Variants in DMD observed in about 807,000 individuals in gnomAD.
The protein encoded by DMD is dystrophin, also known as mutant dystrophin.
A neutral mutation model predicts 330.1 loss-of-function variants in DMD; 63 were observed. The observed-to-expected ratio is 0.19, with a 90% CI of 0.16 to 0.24. The LOEUF (loss-of-function observed/expected upper bound fraction) is 0.24, where lower values mean the gene tolerates loss of function less well. DMD is among the 10% of genes least tolerant of loss of function. The probability of loss-of-function intolerance (pLI) is 1.00; values close to 1 mark genes in which losing one functional copy is unlikely to be tolerated. For synonymous variants in DMD, 1,223 were observed against 959.8 expected, an observed-to-expected ratio of 1.27 and a Z score of -5.07; for missense variants, 3,344 against 2,684.1, an observed-to-expected ratio of 1.25 and a Z score of -5.43.
intron 44 of DMD, among the ~76,000 whole-genome samples, chrX:31,988,195 G>A (rs901130353): frequency 3.6e-5 from 4 of 110,364 alleles, no homozygotes; most frequent in East Asian, 2.9e-4. Flanking sequence ...TATTTAAGCC[G>A]GGCATGGTGG....
At chrX:31,308,324 C>A (rs979333104) in intron 62 of DMD, among the ~76,000 whole-genome samples, 3 of 112,103 alleles carry the variant, frequency 2.7e-5, no homozygotes, top group Non-Finnish European at 5.6e-5. Flanking sequence ...AATATATTCA[C>A]TTAAAGATGC....
chrX:32,676,596 C>T (rs966662975), intron 9 of DMD, among the ~76,000 whole-genome samples: 9 of 110,832 alleles, frequency 8.1e-5, no homozygotes, highest in African/African-American at 2.3e-4. Context: ...GGATTGTGGA[C>T]GCTATTATGC....
intron 20 of DMD, among the ~76,000 whole-genome samples, chrX:32,490,941 A>C (rs2042933622): frequency 8.9e-6 from 1 of 111,853 alleles, no homozygotes; most frequent in Non-Finnish European, 1.9e-5. Context: ...CAAAATGACT[A>C]TGTTTCACTC....
intron 44 of DMD, among the ~76,000 whole-genome samples, chrX:32,056,189 G>C (rs138355214): frequency 0.012 from 1,280 of 109,811 alleles, 16 homozygotes; most frequent in African/African-American, 0.04. Context: ...GCTAAAGAAA[G>C]TCATGTCCTT....
At chrX:32,632,273 G>C (rs888961707) in intron 11 of DMD, among the ~76,000 whole-genome samples, 1 of 111,856 alleles carries the variant, frequency 8.9e-6, no homozygotes, top group South Asian at 3.7e-4. Flanking sequence ...GTGCTCCCAA[G>C]GCCTTGGGCA....
chrX:32,538,538 C>T (rs778825406), intron 17 of DMD, among the ~76,000 whole-genome samples: 1 of 111,417 alleles, frequency 9.0e-6, no homozygotes, highest in African/African-American at 3.3e-5. Context: ...AATAGACAGC[C>T]TTGTTGCTCA....
At chrX:31,315,280 C>T (rs2055910658) in intron 62 of DMD, among the ~76,000 whole-genome samples, 3 of 112,325 alleles carry the variant, frequency 2.7e-5, no homozygotes, top group African/African-American at 6.5e-5. Flanking sequence ...AACCTGAACA[C>T]TCAGTATCTA....
chrX:31,403,209 T>C (rs2061266919), intron 60 of DMD, among the ~76,000 whole-genome samples: 1 of 112,243 alleles, frequency 8.9e-6, no homozygotes, highest in South Asian at 3.7e-4. Flanking sequence ...GCCTCTCTTG[T>C]AATGTGTCAG....
At chrX:32,887,279 G>A (rs1005857996) in intron 2 of DMD, among the ~76,000 whole-genome samples, 12 of 110,035 alleles carry the variant, frequency 1.1e-4, no homozygotes, top group African/African-American at 1.7e-4. Context: ...CCCGGGAGGC[G>A]GAGCTTGCAG....
chrX:31,622,868 A>G (rs2078621610), intron 55 of DMD, among the ~76,000 whole-genome samples: 1 of 92,461 alleles, frequency 1.1e-5, no homozygotes, highest in South Asian at 4.9e-4. Flanking sequence ...ATATATATAT[A>G]TATATATATA....
intron 60 of DMD, among the ~76,000 whole-genome samples, chrX:31,412,686 A>G: frequency 8.9e-6 from 1 of 112,025 alleles, no homozygotes; most frequent in Non-Finnish European, 1.9e-5. Flanking sequence ...TAGCGGAAGG[A>G]GGCCTGATCT....
chrX:32,839,254 C>T (rs975226134), intron 4 of DMD, among the ~76,000 whole-genome samples: 3 of 110,922 alleles, frequency 2.7e-5, no homozygotes, highest in Non-Finnish European at 5.7e-5. Flanking sequence ...TGCTTTTTCA[C>T]CTTAAGGTCT....
chrX:31,901,978 C>A (rs771079952), intron 47 of DMD, among the ~76,000 whole-genome samples: 5 of 111,199 alleles, frequency 4.5e-5, no homozygotes, highest in African/African-American at 9.8e-5. Flanking sequence ...AATCTCTTGG[C>A]AATTTTCAAG....
chrX:32,338,906 T>C (rs1046101536), intron 41 of DMD, among the ~76,000 whole-genome samples: 7 of 112,099 alleles, frequency 6.2e-5, no homozygotes, highest in Non-Finnish European at 1.3e-4. Flanking sequence ...GCTTATATAT[T>C]ATAGAATTAA....
chrX:32,782,770 A>C (rs979167968), intron 7 of DMD, among the ~76,000 whole-genome samples: 2 of 109,597 alleles, frequency 1.8e-5, no homozygotes, highest in East Asian at 5.7e-4. Flanking sequence ...TTAGTTTATA[A>C]CTCAAAGGAT....
rs181937921 is a variant in DMD, at chrX:32,105,846, T to C, written c.6438+111070A>G. On this transcript the variant is annotated intron_variant, in intron 44 of 78. Coordinates refer to ENST00000357033, the MANE Select transcript of DMD (RefSeq NM_004006.3). Reference sequence around the variant, plus strand: ...TGAATAGTATTTTTGTGGAAGTAGCTAGACTCTATTATGTTTAAACTTCAC... The same window carrying C: ...TGAATAGTATTTTTGTGGAAGTAGCCAGACTCTATTATGTTTAAACTTCAC... Among the ~76,000 whole-genome samples, 116 of 112,128 alleles carry C rather than the reference T, an allele frequency of 1.0e-3. 1 individual carries two copies. In the Middle Eastern group the frequency reaches 0.019, roughly 18 times the overall value.
chrX:33,138,308 A>G (rs1295321187), intron 1 of DMD, among the ~76,000 whole-genome samples: 2 of 111,733 alleles, frequency 1.8e-5, no homozygotes, highest in Admixed American at 9.6e-5. Flanking sequence ...TACCTATTCG[A>G]CAGGAAGAAA....
intron 44 of DMD, among the ~76,000 whole-genome samples, chrX:32,173,208 A>C (rs1002094752): frequency 1.8e-5 from 2 of 108,770 alleles, no homozygotes; most frequent in African/African-American, 6.7e-5. Flanking sequence ...TTGGAGAAAA[A>C]AATCACTCCT....
At chrX:31,538,126 T>A (rs1481366303) in intron 55 of DMD, among the ~76,000 whole-genome samples, 1 of 112,040 alleles carries the variant, frequency 8.9e-6, no homozygotes, top group African/African-American at 3.2e-5. Context: ...TTTGCTTGTA[T>A]GATGGAATCT....
Sources: gnomAD v4.1 joint callset for allele counts (sites outside exome capture counted in the v4.1 genomes callset) on GRCh38, gnomAD v4.1.1 for gene constraint, MANE v1.5 for transcripts, NCBI Gene and HGNC (gene_info 2026-07-23, HGNC 2026-07-21) for gene names.